SHROOM4: variants seen among roughly 807,000 people sequenced by gnomAD.
SHROOM4 encodes protein Shroom4.
A neutral mutation model predicts 80.3 loss-of-function variants in SHROOM4; 17 were observed. That is an observed-to-expected ratio of 0.21 (90% confidence interval 0.14 to 0.32). The LOEUF (loss-of-function observed/expected upper bound fraction) is 0.32. Among genes scored for constraint, SHROOM4 ranks in the 10% least tolerant of loss-of-function variants. The pLI is 1.00. For synonymous variants in SHROOM4, 400 were observed against 437.5 expected (o/e 0.91, Z 1.07); for missense variants, 993 against 1,140.3 (o/e 0.87, Z 1.86).
At chrX:50,812,848 C>T (rs906104267) in intron 1 of SHROOM4, among the ~76,000 whole-genome samples, 6 of 111,923 alleles carry the variant, frequency 5.4e-5, no homozygotes, top group Non-Finnish European at 1.1e-4. Context: ...GCCATTTAAG[C>T]GGGTTGGAAG....
chrX:50,717,016 C>T (rs782598852), intron 1 of SHROOM4, among the ~76,000 whole-genome samples: 17 of 112,211 alleles, frequency 1.5e-4, no homozygotes, highest in Non-Finnish European at 2.6e-4. Context: ...TGCCTGCTTC[C>T]CAGGAAGACT....
chrX:50,647,863 C>T (rs916466815), intron 2 of SHROOM4, among the ~76,000 whole-genome samples: 5 of 112,001 alleles, frequency 4.5e-5, no homozygotes, highest in Non-Finnish European at 9.4e-5. Context: ...TTTGATACAA[C>T]TTGACAATCA....
At chrX:50,581,592 G>A in the SHROOM4 span, among the ~76,000 whole-genome samples, 139 of 111,910 alleles carry the variant, frequency 1.2e-3, 1 homozygote, top group Non-Finnish European at 2.2e-3. Context: ...CAAAGGCTTT[G>A]GGTCAACACC....
chrX:50,598,453 T>C lies in SHROOM4; in HGVS notation c.4025A>G (p.Asn1342Ser), dbSNP rs1557247066. Residue 1342 changes from asparagine to serine, a missense_variant, in exon 8 of 9, where the codon AAT becomes AGT. Physicochemically the swap from Asn to Ser is conservative, Grantham distance 46 (BLOSUM62 1). Coordinates refer to ENST00000376020, the MANE Select transcript of SHROOM4 (RefSeq NM_020717.5). ...CTCCACCTCCTCCCCAAGGGCAGAA[T>C]TGGCATTGATGTCCTCTAGCAGCCC... The part of the protein sequence containing the change: ...QRGLLEDINA[N>S]SALGEEVEAN... The C allele has an allele frequency of 1.7e-6, 2 of 1,207,138 alleles. No individual in the cohort carries two copies. The highest frequency in any genetic ancestry group is 2.2e-6 in the Non-Finnish European group (2 of 893,758).
At chrX:50,647,337 T>A (rs1199516738) in intron 2 of SHROOM4, among the ~76,000 whole-genome samples, 3 of 110,545 alleles carry the variant, frequency 2.7e-5, no homozygotes, top group African/African-American at 6.6e-5. Context: ...AATGAAAGAG[T>A]TTTTTTCCCT....
intron 1 of SHROOM4, among the ~76,000 whole-genome samples, chrX:50,711,871 C>A (rs1933827032): frequency 8.9e-6 from 1 of 112,180 alleles, no homozygotes; most frequent in African/African-American, 3.2e-5. Context: ...GTATGCATTC[C>A]AATATGCATG....
intron 2 of SHROOM4, among the ~76,000 whole-genome samples, chrX:50,684,884 G>A (rs1403854757): frequency 8.9e-6 from 1 of 111,957 alleles, no homozygotes; most frequent in Admixed American, 9.5e-5. Flanking sequence ...AAGTCACGTA[G>A]ATTCATCTAT....
Position 50,590,754 on chromosome X carries a change from A to G in SHROOM4, c.*5941T>C, listed in dbSNP as rs1557245305. 8.9e-6 allele frequency among the ~76,000 whole-genome samples: 1 copy of G among 112,372 alleles called. No homozygotes were observed. Among genetic ancestry groups the G allele is most frequent in the African/African-American group, 3.2e-5 (1 of 30,962 alleles). ...TAGCAACCCAAGCATACTAAAACAC[A>G]TATTTTCTTTGAAGAAATGTCTATT... On this transcript the variant is annotated 3_prime_UTR_variant, in exon 9 of 9. Transcript: ENST00000376020.
rs782357076 is a variant in SHROOM4, at chrX:50,795,403, C to A, written c.117+18499G>T. On this transcript the variant is annotated intron_variant, in intron 1 of 8. Transcript: ENST00000376020. ...TCTACTTGTTAAATGCTCTATGGAA[C>A]AGATTTGGGGTTAAAAGCCTAATCC... Among the ~76,000 whole-genome samples the A allele has an allele frequency of 1.3e-4, 14 of 108,896 alleles. 1 individual carries two copies. In the South Asian group the frequency reaches 5.1e-3, roughly 40 times the overall value. The allele number at this position is 108,896 out of a possible 115,157, so 94.6% of individuals were successfully genotyped here. A position where few individuals can be genotyped will look rare whatever the true frequency, so the allele number is the denominator to read the frequency against.
At chrX:50,624,912 T>C (rs1223106374) in intron 5 of SHROOM4, among the ~76,000 whole-genome samples, 1 of 111,879 alleles carries the variant, frequency 8.9e-6, no homozygotes, top group Non-Finnish European at 1.9e-5. Flanking sequence ...AAGATATTAA[T>C]ATATTAATTA....
chrX:50,610,572 G>A (rs1929924738), intron 5 of SHROOM4, among the ~76,000 whole-genome samples: 1 of 111,223 alleles, frequency 9.0e-6, no homozygotes, highest in African/African-American at 3.3e-5. Flanking sequence ...ATTATTTTCT[G>A]CTCCAATCTC....
intron 2 of SHROOM4, chrX:50,643,537 T>C (rs1557257515): frequency 8.9e-6 from 1 of 111,830 alleles, no homozygotes; most frequent in African/African-American, 3.3e-5. Flanking sequence ...GGAGTAGCAC[T>C]GAAGGCAAGG....
In SHROOM4 at chrX:50,587,254, T is replaced by C. The variant is rs1189627205; in HGVS notation, c.*9441A>G. Among the ~76,000 whole-genome samples the C allele has an allele frequency of 2.7e-5, 3 of 112,067 alleles. No homozygotes were observed. The highest frequency in any genetic ancestry group is 5.6e-5 in the Non-Finnish European group (3 of 53,174). On this transcript the variant is annotated 3_prime_UTR_variant, in exon 9 of 9. Transcript: ENST00000376020. ...AAGGGATAACAAATGTTGATGAGGG[T>C]ATGGAGGAAAGGAAACCCTGGTACA...
intron 2 of SHROOM4, among the ~76,000 whole-genome samples, chrX:50,646,519 G>T (rs1557257925): frequency 1.1e-5 from 1 of 94,361 alleles, no homozygotes; most frequent in East Asian, 3.3e-4. Context: ...CCCAACCAAG[G>T]GGGGAAGAGT....
intron 1 of SHROOM4, among the ~76,000 whole-genome samples, chrX:50,789,995 C>T (rs1161372284): frequency 8.9e-6 from 1 of 112,180 alleles, no homozygotes; most frequent in Admixed American, 9.4e-5. Flanking sequence ...CAAACCTATA[C>T]AGTATCTTAC....
chrX:50,684,881 G>A (rs1557262103), intron 2 of SHROOM4, among the ~76,000 whole-genome samples: 3 of 111,956 alleles, frequency 2.7e-5, no homozygotes, highest in Non-Finnish European at 1.9e-5. Context: ...AAAAAGTCAC[G>A]TAGATTCATC....
At chrX:50,724,838 G>A (rs1396467054) in intron 1 of SHROOM4, among the ~76,000 whole-genome samples, 2 of 111,654 alleles carry the variant, frequency 1.8e-5, no homozygotes, top group African/African-American at 6.5e-5. Context: ...TTTTGATTAA[G>A]TCCAATCTTT....
chrX:50,780,818 C>G (rs1935610712), intron 1 of SHROOM4, among the ~76,000 whole-genome samples: 1 of 111,310 alleles, frequency 9.0e-6, no homozygotes, highest in African/African-American at 3.3e-5. Flanking sequence ...CAGAGTTTTC[C>G]AGAGAAACAG....
chrX:50,664,779 T>C (rs1304475935), intron 2 of SHROOM4, among the ~76,000 whole-genome samples: 1 of 111,498 alleles, frequency 9.0e-6, no homozygotes, highest in Non-Finnish European at 1.9e-5. Context: ...CATGCACATA[T>C]AAAGTGAATA....
Sources: gnomAD v4.1 joint callset for allele counts (sites outside exome capture counted in the v4.1 genomes callset) on GRCh38, gnomAD v4.1.1 for gene constraint, MANE v1.5 for transcripts, NCBI Gene and HGNC (gene_info 2026-07-23, HGNC 2026-07-21) for gene names.